Variants in ARHGEF28 observed in about 807,000 individuals in gnomAD.
ARHGEF28 encodes the protein Rho guanine nucleotide exchange factor 28.
Under a neutral mutation model 206.6 loss-of-function variants are expected in ARHGEF28, and 152 were observed. The observed-to-expected ratio is 0.74, with a 90% CI of 0.64 to 0.84. ARHGEF28 has a LOEUF of 0.84. Ranked by LOEUF, ARHGEF28 falls within the 40% of genes least tolerant of loss-of-function variation. The probability of loss-of-function intolerance (pLI) is 0.00; values close to 1 mark genes in which losing one functional copy is unlikely to be tolerated. For missense variants in ARHGEF28, 2,028 were observed against 2,073.2 expected (o/e 0.98, Z 0.42); for synonymous variants, 763 against 776.4 (o/e 0.98, Z 0.29).
At chr5:73,864,373 T>C (rs905348849) in intron 16 of ARHGEF28, among the ~76,000 whole-genome samples, 1 of 152,182 alleles carries the variant, frequency 6.6e-6, no homozygotes, top group Non-Finnish European at 1.5e-5. Context: ...TCACAATACA[T>C]TTTTTTCAGC....
chr5:73,696,246 A>C (rs1748201951), intron 2 of ARHGEF28, among the ~76,000 whole-genome samples: 2 of 152,130 alleles, frequency 1.3e-5, no homozygotes, highest in South Asian at 4.1e-4. Context: ...CCATTGACAA[A>C]AGTGTTGATA....
rs115422277 is a variant in ARHGEF28 at position 73,755,789 on chromosome 5, G to A, written c.475+2587G>A. Among the ~76,000 whole-genome samples the A allele has an allele frequency of 9.6e-3, 1,456 of 152,210 alleles. 28 individuals are homozygous for A. Among genetic ancestry groups the A allele is most frequent in the African/African-American group, 0.033 (1,369 of 41,528 alleles). ...TCATGTTGTCGAGGGCCATCCTATTGCCATTTTCATTGCTATTTGGGGATA... is the reference window on the plus strand; with the variant it reads ...TCATGTTGTCGAGGGCCATCCTATTACCATTTTCATTGCTATTTGGGGATA... On this transcript the variant is annotated intron_variant, in intron 4 of 35. Transcript: ENST00000513042.
At chr5:73,749,108 C>T (rs1751894565) in intron 2 of ARHGEF28, among the ~76,000 whole-genome samples, 1 of 152,052 alleles carries the variant, frequency 6.6e-6, no homozygotes, top group Non-Finnish European at 1.5e-5. Flanking sequence ...ACCAGAAGCT[C>T]TTAAGAGAAA....
At chr5:73,865,230 T>C (rs184933903) in intron 17 of ARHGEF28, among the ~76,000 whole-genome samples, 133 of 152,370 alleles carry the variant, frequency 8.7e-4, no homozygotes, top group African/African-American at 2.8e-3. Flanking sequence ...CACAGATTTC[T>C]GGGCCCCAAT....
chr5:73,684,513 G>A (rs1056309208), intron 1 of ARHGEF28, among the ~76,000 whole-genome samples: 3 of 152,114 alleles, frequency 2.0e-5, no homozygotes, highest in Admixed American at 6.5e-5. Flanking sequence ...TTTGGCTATT[G>A]TGAATCATGC....
At chr5:73,861,145 A>AC (rs1366685680) in intron 16 of ARHGEF28, among the ~76,000 whole-genome samples, 2 of 152,132 alleles carry the variant, frequency 1.3e-5, no homozygotes, top group Non-Finnish European at 2.9e-5. Context: ...CCCTAATCAC[A>AC]CGATGACTCC....
chr5:73,850,813 T>A (rs1028868693), intron 13 of ARHGEF28, among the ~76,000 whole-genome samples: 2 of 152,184 alleles, frequency 1.3e-5, no homozygotes, highest in Admixed American at 1.3e-4. Context: ...TCTCAACTGC[T>A]TTGGTTTTCA....
intron 2 of ARHGEF28, among the ~76,000 whole-genome samples, chr5:73,740,228 C>T (rs980981017): frequency 8.0e-5 from 12 of 149,222 alleles, no homozygotes; most frequent in East Asian, 2.0e-4. Flanking sequence ...AGAAATCCCA[C>T]GAAATCCAAA....
intron 35 of ARHGEF28, among the ~76,000 whole-genome samples, chr5:73,939,685 C>T (rs1211660560): frequency 6.6e-6 from 1 of 152,172 alleles, no homozygotes; most frequent in Non-Finnish European, 1.5e-5. Flanking sequence ...ATGGAGCCTT[C>T]TGGGAAGAGT....
chr5:73,895,447 G>T (rs1038660266), intron 29 of ARHGEF28, among the ~76,000 whole-genome samples: 1 of 152,170 alleles, frequency 6.6e-6, no homozygotes, highest in African/African-American at 2.4e-5. Flanking sequence ...AAGGTCTATA[G>T]AGGAAAGGCA....
intron 9 of ARHGEF28, among the ~76,000 whole-genome samples, chr5:73,814,028 A>G (rs187682236): frequency 3.3e-5 from 5 of 152,224 alleles, no homozygotes; most frequent in Admixed American, 2.6e-4. Flanking sequence ...AAACATGTTC[A>G]GTCTTAGTGG....
chr5:73,879,774 G>A (rs1760782620), intron 22 of ARHGEF28, among the ~76,000 whole-genome samples: 2 of 152,204 alleles, frequency 1.3e-5, no homozygotes, highest in South Asian at 2.1e-4. Context: ...CTGTCTGATA[G>A]TTCCTCTGGA....
intron 2 of ARHGEF28, among the ~76,000 whole-genome samples, chr5:73,699,705 T>C (rs1414843222): frequency 6.6e-6 from 1 of 152,198 alleles, no homozygotes; most frequent in East Asian, 1.9e-4. Context: ...TCGTTTAGAT[T>C]ATGGCTGTGG....
At chr5:73,929,625 C>G (rs935243189) in intron 35 of ARHGEF28, among the ~76,000 whole-genome samples, 9 of 152,172 alleles carry the variant, frequency 5.9e-5, no homozygotes, top group African/African-American at 2.2e-4. Flanking sequence ...ATGTATTAGG[C>G]ATGCAATTAA....
At chr5:73,805,626 G>A (rs956044808) in intron 9 of ARHGEF28, among the ~76,000 whole-genome samples, 1 of 152,190 alleles carries the variant, frequency 6.6e-6, no homozygotes, top group African/African-American at 2.4e-5. Flanking sequence ...CTCCCTGTTG[G>A]AGTGGGTGCT....
At chr5:73,873,268 T>G in intron 22 of ARHGEF28, 22 bp downstream of exon 22, 1 of 1,586,498 alleles carries the variant, frequency 6.3e-7, no homozygotes, top group Non-Finnish European at 8.6e-7. Context: ...TTAAAGTCCT[T>G]GACCTTTATG....
In ARHGEF28 at chr5:73,753,169, G is replaced by A. The variant is rs764944223; in HGVS notation, c.442G>A (p.Glu148Lys). 3.7e-5 allele frequency: 57 copies of A among 1,539,182 alleles called. No individual in the cohort carries two copies. In the Middle Eastern group the frequency reaches 7.1e-4, roughly 19 times the overall value. Residue 148 changes from glutamate to lysine, a missense_variant, in exon 4 of 36, where the codon GAG becomes AAG. This residue lies in a region of ARHGEF28 where 1,002 missense variants were observed against 1,015.3 expected (regional missense o/e 0.99). Coordinates refer to ENST00000513042, the MANE Select transcript of ARHGEF28 (RefSeq NM_001177693.2). ...LALTHLELPLEWTVLGSSSLE... is the reference protein window; with the variant it reads ...LALTHLELPLKWTVLGSSSLE... ...TCTGACCCATCTGGAATTGCCTCTA[G>A]AGTGGACTGTGTTGGGAAGTTCTTC...
At chr5:73,771,718 A>C (rs1753235914) in intron 4 of ARHGEF28, among the ~76,000 whole-genome samples, 1 of 152,236 alleles carries the variant, frequency 6.6e-6, no homozygotes, top group African/African-American at 2.4e-5. Flanking sequence ...AGAAAAATAC[A>C]AATATTATCC....
chr5:73,719,909 C>A (rs1749830527), intron 2 of ARHGEF28, among the ~76,000 whole-genome samples: 1 of 152,194 alleles, frequency 6.6e-6, no homozygotes, highest in Non-Finnish European at 1.5e-5. Context: ...GGGATTTTAT[C>A]TCTAACTAAT....
Sources: allele counts gnomAD v4.1 joint callset (sites outside exome capture counted in the v4.1 genomes callset), GRCh38; gene constraint gnomAD v4.1.1; regional missense constraint gnomAD v4.1.1; transcripts MANE v1.5; gene names NCBI Gene and HGNC (gene_info 2026-07-23, HGNC 2026-07-21).